SPATS2: variants seen among roughly 807,000 people sequenced by gnomAD.
SPATS2 encodes the protein spermatogenesis-associated serine-rich protein 2.
Under a neutral mutation model 63.7 loss-of-function variants are expected in SPATS2, and 38 were observed. The observed-to-expected ratio is 0.60, with a 90% confidence interval of 0.46 to 0.78. The LOEUF (loss-of-function observed/expected upper bound fraction) is 0.78. Ranked by LOEUF, SPATS2 falls within the 30% of genes least tolerant of loss-of-function variation. The pLI is 0.00. For missense variants in SPATS2, 588 were observed against 666.2 expected (o/e 0.88, Z 1.29); for synonymous variants, 207 against 232.9 (o/e 0.89, Z 1.01).
At chr12:49,404,052 C>A (rs1944653690) in intron 2 of SPATS2, among the ~76,000 whole-genome samples, 1 of 152,180 alleles carries the variant, frequency 6.6e-6, no homozygotes, top group Non-Finnish European at 1.5e-5. Context: ...GTGTGCCAGG[C>A]ACTGGGCTAG....
In SPATS2 at chr12:49,526,012, G is replaced by A; in HGVS notation, c.1395G>A (p.Met465Ile). The A allele has an allele frequency of 1.9e-6, 3 of 1,614,254 alleles. No individual in the cohort carries two copies. Among genetic ancestry groups the A allele is most frequent in the Non-Finnish European group, 2.5e-6 (3 of 1,180,050 alleles). ...AAGGCCAAAAGTCCAATGACCCCAT[G>A]AACCAAGGGCGGCATGACAGTATGG... is the stretch of plus-strand genomic sequence containing the variant. The part of the protein sequence containing the change: ...RPQGQKSNDP[M>I]NQGRHDSMGR... The change falls in exon 14 of 14, where the codon ATG (methionine) becomes ATA (isoleucine). Residue 465 changes from methionine (M) to isoleucine (I), a missense_variant. By Grantham distance (10) the Met-to-Ile change is conservative. Coordinates refer to ENST00000552918, the MANE Select transcript of SPATS2 (RefSeq NM_023071.4).
chr12:49,386,129 A>G (rs1273281917), intron 2 of SPATS2, among the ~76,000 whole-genome samples: 1 of 147,008 alleles, frequency 6.8e-6, no homozygotes, highest in African/African-American at 2.5e-5. Context: ...TCGGCCCCCA[A>G]AGTGCTGGGA....
intron 2 of SPATS2, among the ~76,000 whole-genome samples, chr12:49,436,306 T>C (rs1704293653): frequency 6.9e-6 from 1 of 145,168 alleles, no homozygotes; most frequent in Non-Finnish European, 1.5e-5. Context: ...ATGGGGCGGC[T>C]GGCCGGGCAG....
intron 2 of SPATS2, among the ~76,000 whole-genome samples, chr12:49,386,043 T>G (rs959072562): frequency 8.6e-5 from 13 of 151,880 alleles, no homozygotes; most frequent in Non-Finnish European, 1.9e-4. Flanking sequence ...TTCGTATTTT[T>G]TTTTTAGTAG....
At chr12:49,508,492 C>T (rs558208709) in intron 9 of SPATS2, among the ~76,000 whole-genome samples, 14 of 152,340 alleles carry the variant, frequency 9.2e-5, no homozygotes, top group South Asian at 2.1e-4. Flanking sequence ...ACTGGGATTA[C>T]AGGCATGAGC....
intron 2 of SPATS2, chr12:49,387,122 T>TC (rs1342036214): frequency 1.3e-5 from 2 of 152,192 alleles, no homozygotes; most frequent in African/African-American, 4.8e-5. Context: ...CACCCCCAGG[T>TC]CCAGTGGTAT....
At chr12:49,468,715 G>A (rs1945976031) in intron 3 of SPATS2, among the ~76,000 whole-genome samples, 1 of 149,130 alleles carries the variant, frequency 6.7e-6, no homozygotes, top group African/African-American at 2.5e-5. Flanking sequence ...TGGCTCACAT[G>A]ATCCACCTGC....
At chr12:49,489,233 A>G (rs1446280737) in intron 4 of SPATS2, among the ~76,000 whole-genome samples, 4 of 152,178 alleles carry the variant, frequency 2.6e-5, no homozygotes. Context: ...TATAACTTCT[A>G]TTTCTAGCAA....
intron 2 of SPATS2, among the ~76,000 whole-genome samples, chr12:49,445,996 C>T (rs1395435975): frequency 1.3e-5 from 2 of 152,290 alleles, no homozygotes; most frequent in Admixed American, 1.3e-4. Flanking sequence ...CCTCTGCCTC[C>T]TGGGCTCAAG....
chr12:49,512,550 A>AG (rs1946769626), intron 9 of SPATS2, among the ~76,000 whole-genome samples: 1 of 152,268 alleles, frequency 6.6e-6, no homozygotes, highest in African/African-American at 2.4e-5. Flanking sequence ...TGATTCTCAC[A>AG]GGGAAAAAAA....
chr12:49,473,110 T>G (rs1029865761), intron 3 of SPATS2, among the ~76,000 whole-genome samples: 1 of 135,648 alleles, frequency 7.4e-6, no homozygotes, highest in African/African-American at 2.8e-5. Context: ...AAGCAAAGAG[T>G]GTATGGGGAA....
At chr12:49,428,930 T>G (rs180951408) in intron 2 of SPATS2, among the ~76,000 whole-genome samples, 5 of 152,286 alleles carry the variant, frequency 3.3e-5, no homozygotes, top group Non-Finnish European at 7.4e-5. Context: ...AAATCCGTTA[T>G]GAAGAGTAAT....
intron 2 of SPATS2, among the ~76,000 whole-genome samples, chr12:49,415,042 T>C (rs11610501): frequency 0.092 from 13,842 of 150,404 alleles, 753 homozygotes; most frequent in African/African-American, 0.14. Flanking sequence ...CGCATTCAAG[T>C]GATTCTCCTG....
intron 9 of SPATS2, among the ~76,000 whole-genome samples, chr12:49,503,402 C>A (rs113929117): frequency 6.6e-6 from 1 of 151,022 alleles, no homozygotes; most frequent in Non-Finnish European, 1.5e-5. Context: ...GTAATCCCAG[C>A]GCTTTGGGAG....
intron 2 of SPATS2, among the ~76,000 whole-genome samples, chr12:49,397,607 C>T (rs1037316407): frequency 2.0e-5 from 3 of 151,846 alleles, no homozygotes; most frequent in Admixed American, 6.6e-5. Flanking sequence ...ATGGGAGGAT[C>T]GCTTAAGGCC....
intron 2 of SPATS2, among the ~76,000 whole-genome samples, chr12:49,413,169 T>C (rs554244656): frequency 2.0e-5 from 3 of 152,206 alleles, no homozygotes; most frequent in Admixed American, 1.3e-4. Flanking sequence ...TGGTTCTTGC[T>C]CAAGTTCTGT....
intron 2 of SPATS2, among the ~76,000 whole-genome samples, chr12:49,427,403 A>G (rs898635497): frequency 1.3e-5 from 2 of 152,216 alleles, no homozygotes; most frequent in African/African-American, 4.8e-5. Context: ...ACAGACATTT[A>G]GTGAATACAT....
chr12:49,522,028 G>GA (rs111233399), intron 11 of SPATS2, among the ~76,000 whole-genome samples: 19,316 of 138,660 alleles, frequency 0.14, 1,611 homozygotes, highest in African/African-American at 0.25. Flanking sequence ...CTTTTCATCT[G>GA]AAAAAAAAAA....
At chr12:49,462,281 G>T in intron 3 of SPATS2, 1 of 702,350 alleles carries the variant, frequency 1.4e-6, no homozygotes, top group South Asian at 1.5e-5. Flanking sequence ...ACAGGAAGGA[G>T]AGCGCGAGTG....
Sources: allele counts gnomAD v4.1 joint callset (sites outside exome capture counted in the v4.1 genomes callset), GRCh38; gene constraint gnomAD v4.1.1; transcripts MANE v1.5; gene names NCBI Gene and HGNC (gene_info 2026-07-23, HGNC 2026-07-21).